NOD1: variants seen among roughly 807,000 people sequenced by gnomAD.
NOD1 encodes the protein nucleotide-binding oligomerization domain-containing protein 1.
A neutral mutation model predicts 81.2 loss-of-function variants in NOD1; 70 were observed. The observed-to-expected ratio is 0.86, with a 90% confidence interval of 0.71 to 1.05. The LOEUF is 1.05. Among genes scored for constraint, NOD1 ranks in the 50% least tolerant of loss-of-function variants. NOD1 has a pLI of 0.00. For synonymous variants in NOD1, 508 were observed against 526.9 expected, an observed-to-expected ratio of 0.96 and a Z score of 0.49; for missense variants, 1,233 against 1,228.0, an observed-to-expected ratio of 1.00 and a Z score of -0.06.
At chr7:30,462,333 C>T (rs112015937) in intron 1 of NOD1, among the ~76,000 whole-genome samples, 3,862 of 151,938 alleles carry the variant, frequency 0.025, 173 homozygotes, top group African/African-American at 0.089. Context: ...AGTCCTTTGA[C>T]ACAATATGTG....
At chr7:30,449,631 A>T (rs1327658988) in intron 6 of NOD1, among the ~76,000 whole-genome samples, 2 of 152,196 alleles carry the variant, frequency 1.3e-5, no homozygotes, top group Non-Finnish European at 2.9e-5. Context: ...AGGGTCATGG[A>T]GACTCCATAC....
chr7:30,427,199 A>AGAT (rs919729058), intron 13 of NOD1, among the ~76,000 whole-genome samples: 11 of 152,196 alleles, frequency 7.2e-5, no homozygotes, highest in Admixed American at 5.2e-4. Context: ...AGTCTGGAGG[A>AGAT]GATAGCCTCA....
intron 3 of NOD1, among the ~76,000 whole-genome samples, chr7:30,458,893 T>G (rs1562701650): frequency 6.6e-6 from 1 of 152,042 alleles, no homozygotes. Context: ...GGTGCCACCA[T>G]GCCCAGCTAA....
rs77774622 is a variant in NOD1 at position 30,428,074 on chromosome 7, C to T, written c.2789+1300G>A. Among the ~76,000 whole-genome samples the T allele has an allele frequency of 5.8e-3, 879 of 152,228 alleles. 3 individuals are homozygous for T. Among genetic ancestry groups the T allele is most frequent in the Non-Finnish European group, 9.3e-3 (630 of 67,992 alleles). ...CTCTATTCTCTATGATGGTGTTTTTCTTTTTTTCTTTTTTGTTTTTTGAGA... is the reference window on the plus strand; with the variant it reads ...CTCTATTCTCTATGATGGTGTTTTTTTTTTTTTCTTTTTTGTTTTTTGAGA... On this transcript the variant is annotated intron_variant, in intron 13 of 13. Transcript: ENST00000222823.
intron 1 of NOD1, chr7:30,460,396 C>T (rs1184365852): frequency 1.0e-6 from 1 of 985,220 alleles, no homozygotes; most frequent in Non-Finnish European, 1.2e-6. Flanking sequence ...CTGGTCCTCT[C>T]TTCCAGGCAA....
chr7:30,447,496 A>G (rs1020412573), intron 7 of NOD1: 2 of 234,334 alleles, frequency 8.5e-6, no homozygotes, highest in Admixed American at 5.2e-5. Context: ...CTCACCGCTC[A>G]ATGCCAATTC....
chr7:30,425,569 A>G lies in NOD1; in HGVS notation c.*69T>C, dbSNP rs1783372781. 8.7e-7 allele frequency: 1 copy of G among 1,151,412 alleles called. No homozygotes were observed. The highest frequency in any genetic ancestry group is 1.3e-6 in the Non-Finnish European group (1 of 757,550). 71.3% of individuals were successfully genotyped at this position (1,151,412 alleles called of 1,614,324 possible). On this transcript the variant is annotated 3_prime_UTR_variant, in exon 14 of 14. Coordinates refer to ENST00000222823, the MANE Select transcript of NOD1 (RefSeq NM_006092.4). ...GGCCCCTTTAAGACACTGACACAAA[A>G]GACTGCCCAGAGTGGCATTTGCTGC...
At position 30,425,313 on chromosome 7, in the gene NOD1, GCCT is replaced by G. The variant is rs1783351813; in HGVS notation, c.*322_*324del. The G allele has an allele frequency of 3.3e-6, 1 of 299,280 alleles. No homozygotes were observed. Among genetic ancestry groups the G allele is most frequent in the Non-Finnish European group, 6.3e-6 (1 of 158,552 alleles). The allele number at this position is 299,280 out of a possible 1,614,324, so 18.5% of individuals were successfully genotyped here. A position where few individuals can be genotyped will look rare whatever the true frequency, so the allele number is the denominator to read the frequency against. On this transcript the variant is annotated 3_prime_UTR_variant, in exon 14 of 14. Transcript: ENST00000222823. ...CAGGTGTTGGAATGAGGTGAGGCTG[GCCT>G]CCTCTGTTTGCTCACAGCTTTATTC... is the stretch of plus-strand genomic sequence containing the variant.
rs1783309336 is a variant in NOD1 at position 30,424,728 on chromosome 7, G to GA, written c.*909dup. On this transcript the variant is annotated 3_prime_UTR_variant, in exon 14 of 14. Transcript: ENST00000222823. ...CACCCTTCAGCTGCTTGGGAGGCAGGAAGAGACTTCCCCTCTTCACGAGGT... is the reference window on the plus strand; with the variant it reads ...CACCCTTCAGCTGCTTGGGAGGCAGGAAAGAGACTTCCCCTCTTCACGAGGT... 1.3e-5 allele frequency: 2 copies of GA among 152,180 alleles called. No homozygotes were observed. Among genetic ancestry groups the GA allele is most frequent in the African/African-American group, 4.8e-5 (2 of 41,418 alleles). The allele number at this position is 152,180 out of a possible 1,614,324, so 9.4% of individuals were successfully genotyped here.
chr7:30,456,897 T>A lies in NOD1; in HGVS notation c.25A>T (p.Met9Leu), dbSNP rs1786441686. 3.1e-6 allele frequency: 5 copies of A among 1,614,222 alleles called. 1 individual carries two copies. The highest frequency in any genetic ancestry group is 2.7e-5 in the African/African-American group (2 of 75,066). MEEQGHSE[M>L]EIIPSESHPH... ...TGAGACTCTGATGGGATTATTTCCA[T>A]CTCACTGTGGCCCTGCTCTTCCATA... Residue 9 changes from methionine to leucine, a missense_variant, in exon 4 of 14, where the codon ATG becomes TTG. Transcript: ENST00000222823.
intron 10 of NOD1, among the ~76,000 whole-genome samples, chr7:30,437,156 T>C (rs1420719388): frequency 6.6e-6 from 1 of 151,646 alleles, no homozygotes; most frequent in Non-Finnish European, 1.5e-5. Context: ...TTCTCACTCG[T>C]AAGTGGGAGT....
chr7:30,431,873 G>A (rs548870174), intron 12 of NOD1, among the ~76,000 whole-genome samples: 4 of 152,346 alleles, frequency 2.6e-5, no homozygotes, highest in African/African-American at 9.6e-5. Flanking sequence ...GGGAGGCTGA[G>A]GCAGGTGGAT....
intron 6 of NOD1, among the ~76,000 whole-genome samples, chr7:30,449,464 A>G (rs1324617862): frequency 6.6e-6 from 1 of 152,214 alleles, no homozygotes; most frequent in East Asian, 1.9e-4. Context: ...TGTTCTTAAA[A>G]GATTGAGGCA....
chr7:30,454,019 T>C (rs1372014625), intron 5 of NOD1, among the ~76,000 whole-genome samples: 1 of 152,186 alleles, frequency 6.6e-6, no homozygotes, highest in African/African-American at 2.4e-5. Context: ...GGGAATACTT[T>C]CTTTTTTTTT....
Position 30,425,505 on chromosome 7 carries a change from T to C in NOD1, c.*133A>G, listed in dbSNP as rs1337095668. On this transcript the variant is annotated 3_prime_UTR_variant, in exon 14 of 14. Coordinates refer to ENST00000222823, the MANE Select transcript of NOD1 (RefSeq NM_006092.4). ...CTTCTGCACAGGAAGCTGGCTTGCA[T>C]CATGGAGGCAGTGGACTCCTGATAG... is the stretch of plus-strand genomic sequence containing the variant. 1 of 698,360 alleles carries C rather than the reference T, an allele frequency of 1.4e-6. No homozygotes were observed. The highest frequency in any genetic ancestry group is 2.6e-5 in the East Asian group (1 of 38,422). The allele number at this position is 698,360 out of a possible 1,614,324, so 43.3% of individuals were successfully genotyped here. A position where few individuals can be genotyped will look rare whatever the true frequency, so the allele number is the denominator to read the frequency against.
At chr7:30,434,447 T>G (rs1218918317) in intron 11 of NOD1, among the ~76,000 whole-genome samples, 1 of 152,154 alleles carries the variant, frequency 6.6e-6, no homozygotes, top group Non-Finnish European at 1.5e-5. Context: ...AGGACAGCCC[T>G]ACCATAATAA....
intron 8 of NOD1, chr7:30,446,449 A>G: frequency 1.8e-6 from 1 of 556,100 alleles, no homozygotes; most frequent in Non-Finnish European, 3.2e-6. Flanking sequence ...CAGTCTCTGC[A>G]GAAGCTCAGG....
intron 9 of NOD1, among the ~76,000 whole-genome samples, chr7:30,438,590 G>A (rs530702149): frequency 6.6e-5 from 10 of 152,266 alleles, no homozygotes; most frequent in Admixed American, 5.2e-4. Context: ...TCAACAACAC[G>A]TTCACACCAA....
intron 9 of NOD1, among the ~76,000 whole-genome samples, chr7:30,438,303 T>C (rs912636263): frequency 6.6e-6 from 1 of 152,182 alleles, no homozygotes; most frequent in Non-Finnish European, 1.5e-5. Context: ...CGTGGTAAGA[T>C]GGTGGACTCC....
Sources: gnomAD v4.1 joint callset for allele counts (sites outside exome capture counted in the v4.1 genomes callset) on GRCh38, gnomAD v4.1.1 for gene constraint, MANE v1.5 for transcripts, NCBI Gene and HGNC (gene_info 2026-07-23, HGNC 2026-07-21) for gene names.